Variants in SNTG1 observed in about 807,000 individuals in gnomAD.
SNTG1 encodes gamma-1-syntrophin.
In SNTG1, 39 loss-of-function variants were observed where a neutral mutation model predicts 74.7. The ratio of observed to expected loss-of-function variants is 0.52; its 90% CI spans 0.40 to 0.68. The LOEUF is 0.68. Ranked by LOEUF, SNTG1 falls within the 30% of genes least tolerant of loss-of-function variation. The pLI, the probability that SNTG1 is intolerant of heterozygous loss-of-function variation, is 0.00. For synonymous variants in SNTG1, 254 were observed against 217.1 expected (o/e 1.17, Z -1.49); for missense variants, 685 against 609.5 (o/e 1.12, Z -1.30).
At chr8:50,413,473 T>C (rs2092975741) in intron 4 of SNTG1, among the ~76,000 whole-genome samples, 1 of 152,232 alleles carries the variant, frequency 6.6e-6, no homozygotes, top group Non-Finnish European at 1.5e-5. Flanking sequence ...GAAAACTGTC[T>C]CTTCTTTCTG....
intron 1 of SNTG1, among the ~76,000 whole-genome samples, chr8:49,996,111 TTTGTCTTTTTTA>T (rs1487857063): frequency 3.3e-5 from 5 of 152,124 alleles, no homozygotes; most frequent in Non-Finnish European, 5.9e-5. Context: ...AATTTTTTGG[TTTGTCTTTTTTA>T]TTGCCATTTT....
At chr8:50,258,258 A>G (rs1380047597) in intron 2 of SNTG1, among the ~76,000 whole-genome samples, 1 of 152,250 alleles carries the variant, frequency 6.6e-6, no homozygotes, top group African/African-American at 2.4e-5. Context: ...TTGAGTGTTT[A>G]AATAACACTA....
intron 1 of SNTG1, among the ~76,000 whole-genome samples, chr8:50,079,746 A>G (rs1486476544): frequency 6.6e-6 from 1 of 152,128 alleles, no homozygotes; most frequent in Non-Finnish European, 1.5e-5. Context: ...TTGTATAAGT[A>G]TAAGAAAGGG....
chr8:50,640,177 T>C (rs2095063450), intron 13 of SNTG1, among the ~76,000 whole-genome samples: 1 of 152,148 alleles, frequency 6.6e-6, no homozygotes. Context: ...GAAGTATGAC[T>C]TCCTTTATTG....
chr8:50,258,832 G>A (rs960536276), intron 2 of SNTG1, among the ~76,000 whole-genome samples: 7 of 151,980 alleles, frequency 4.6e-5, no homozygotes, highest in African/African-American at 1.4e-4. Flanking sequence ...TGAGATTACC[G>A]CCTGATGAGA....
At chr8:49,962,915 T>TC (rs1273777233) in intron 1 of SNTG1, among the ~76,000 whole-genome samples, 2 of 152,170 alleles carry the variant, frequency 1.3e-5, no homozygotes, top group African/African-American at 4.8e-5. Flanking sequence ...AACCACAGAT[T>TC]CCCGGGCTGT....
intron 13 of SNTG1, among the ~76,000 whole-genome samples, chr8:50,649,369 C>T (rs1353968440): frequency 1.3e-5 from 2 of 152,022 alleles, no homozygotes; most frequent in African/African-American, 4.8e-5. Flanking sequence ...CGTTATGGTG[C>T]GTGCCTGTAA....
At chr8:50,739,583 G>A (rs1039949258) in intron 17 of SNTG1, among the ~76,000 whole-genome samples, 2 of 151,340 alleles carry the variant, frequency 1.3e-5, no homozygotes, top group African/African-American at 2.4e-5. Flanking sequence ...ATGTGGGGCT[G>A]GGGGAGGGAT....
chr8:50,285,105 T>C (rs548032113), intron 2 of SNTG1, among the ~76,000 whole-genome samples: 1 of 152,186 alleles, frequency 6.6e-6, no homozygotes, highest in Non-Finnish European at 1.5e-5. Flanking sequence ...AGCAAATGTT[T>C]CTCTCCAGGC....
intron 2 of SNTG1, among the ~76,000 whole-genome samples, chr8:50,214,011 A>T (rs1239719327): frequency 3.9e-5 from 6 of 151,936 alleles, no homozygotes; most frequent in Non-Finnish European, 8.8e-5. Context: ...CCCCATGCCT[A>T]TGTCCTGAAT....
chr8:50,299,845 G>A (rs756437690), intron 2 of SNTG1, among the ~76,000 whole-genome samples: 9 of 152,130 alleles, frequency 5.9e-5, no homozygotes, highest in Admixed American at 1.3e-4. Flanking sequence ...AAGATCTTAC[G>A]TCTACAACCA....
At chr8:50,091,030 A>G (rs1156727397) in intron 1 of SNTG1, among the ~76,000 whole-genome samples, 7 of 152,158 alleles carry the variant, frequency 4.6e-5, no homozygotes, top group South Asian at 2.1e-4. Context: ...GACCAAAAAT[A>G]TGTTTTCAAG....
At chr8:50,156,441 C>T (rs2082257160) in intron 1 of SNTG1, among the ~76,000 whole-genome samples, 1 of 151,860 alleles carries the variant, frequency 6.6e-6, no homozygotes, top group Admixed American at 6.6e-5. Context: ...ATGTTGGCCA[C>T]ATAGATTTAG....
chr8:49,968,488 G>A lies in SNTG1; in HGVS notation c.-103+56257G>A, dbSNP rs138570515. Among the ~76,000 whole-genome samples the A allele has an allele frequency of 3.7e-3, 566 of 151,954 alleles. 7 individuals carry two copies. The highest frequency in any genetic ancestry group is 0.011 in the African/African-American group (469 of 41,320). On this transcript the variant is annotated intron_variant, in intron 1 of 18. Coordinates refer to ENST00000642720, the MANE Select transcript of SNTG1 (RefSeq NM_018967.5). Reference sequence around the variant, plus strand: ...TTTTTCAGTTCCAAAATTTTCATAAGATCTAAAGTGGAAAGATCCAGATCA... The same window carrying A: ...TTTTTCAGTTCCAAAATTTTCATAAAATCTAAAGTGGAAAGATCCAGATCA...
intron 2 of SNTG1, among the ~76,000 whole-genome samples, chr8:50,393,958 A>G (rs2092695533): frequency 1.3e-5 from 2 of 152,198 alleles, no homozygotes; most frequent in African/African-American, 4.8e-5. Context: ...CGGGGTGGAA[A>G]GGTGCCTGGA....
At chr8:50,605,851 A>G (rs1280030022) in intron 13 of SNTG1, among the ~76,000 whole-genome samples, 1 of 152,180 alleles carries the variant, frequency 6.6e-6, no homozygotes, top group African/African-American at 2.4e-5. Context: ...TGAAAAAAAT[A>G]AAATAACACA....
intron 1 of SNTG1, among the ~76,000 whole-genome samples, chr8:50,026,521 C>G (rs894578802): frequency 6.6e-6 from 1 of 152,108 alleles, no homozygotes; most frequent in Non-Finnish European, 1.5e-5. Context: ...TACTCCTGTC[C>G]CTAAGACTAC....
intron 9 of SNTG1, among the ~76,000 whole-genome samples, chr8:50,514,386 C>T (rs912980812): frequency 3.9e-5 from 6 of 151,984 alleles, no homozygotes; most frequent in African/African-American, 1.4e-4. Flanking sequence ...CTTTGTAATG[C>T]TTTTGCTGCA....
chr8:50,532,936 A>G (rs1271700581), intron 10 of SNTG1, among the ~76,000 whole-genome samples: 1 of 152,180 alleles, frequency 6.6e-6, no homozygotes, highest in East Asian at 1.9e-4. Context: ...TTGAGTAGGT[A>G]TTATTCTGGT....
Sources: allele counts gnomAD v4.1 joint callset (sites outside exome capture counted in the v4.1 genomes callset), GRCh38; gene constraint gnomAD v4.1.1; transcripts MANE v1.5; gene names NCBI Gene and HGNC (gene_info 2026-07-23, HGNC 2026-07-21).